ZNG1A: variants seen among roughly 807,000 people sequenced by gnomAD.
The protein encoded by ZNG1A is Zn regulated GTPase metalloprotein activator 1A.
chr9:135,543 C>A, the ZNG1A span, among the ~76,000 whole-genome samples: 1 of 78,600 alleles, frequency 1.3e-5, no homozygotes, highest in Non-Finnish European at 2.3e-5. Context: ...TAGTCAGTTA[C>A]CAATTGAGAG....
the ZNG1A span, chr9:146,385 TTA>T: frequency 5.1e-6 from 2 of 391,210 alleles, no homozygotes; most frequent in African/African-American, 4.5e-5. Flanking sequence ...ATCCTGAAAT[TTA>T]TGAGCTTTTC....
At chr9:176,679 G>C in the ZNG1A span, among the ~76,000 whole-genome samples, 1 of 152,058 alleles carries the variant, frequency 6.6e-6, no homozygotes, top group Non-Finnish European at 1.5e-5. Context: ...ATGGAAGAGA[G>C]AGACTTAGGG....
At chr9:175,206 T>C in the ZNG1A span, among the ~76,000 whole-genome samples, 1 of 152,120 alleles carries the variant, frequency 6.6e-6, no homozygotes. Context: ...GGCGAAACCC[T>C]GTCTCTACTA....
chr9:136,059 T>C, the ZNG1A span, among the ~76,000 whole-genome samples: 1 of 75,548 alleles, frequency 1.3e-5, no homozygotes, highest in African/African-American at 3.9e-5. Flanking sequence ...GTTCAGTATT[T>C]AATGTTGTTG....
the ZNG1A span, among the ~76,000 whole-genome samples, chr9:155,556 T>C: frequency 3.3e-5 from 5 of 152,292 alleles, no homozygotes; most frequent in East Asian, 5.8e-4. Context: ...AAGTAGATGA[T>C]AATAATCAGA....
At chr9:133,401 A>G in the ZNG1A span, among the ~76,000 whole-genome samples, 19,914 of 147,364 alleles carry the variant, frequency 0.14, 1,697 homozygotes, top group African/African-American at 0.24. Context: ...CAATAGGTAC[A>G]TACAGGCTCA....
At chr9:154,848 G>A in the ZNG1A span, 3 of 1,382,296 alleles carry the variant, frequency 2.2e-6, no homozygotes, top group South Asian at 2.4e-5. Flanking sequence ...ATACACGCAT[G>A]CAGATTAATA....
chr9:159,022 T>C, the ZNG1A span, among the ~76,000 whole-genome samples: 2 of 152,024 alleles, frequency 1.3e-5, no homozygotes, highest in South Asian at 4.1e-4. Flanking sequence ...CAGATGACTT[T>C]CATTTATAAA....
the ZNG1A span, among the ~76,000 whole-genome samples, chr9:129,800 G>A: frequency 2.0e-5 from 2 of 101,554 alleles, no homozygotes; most frequent in African/African-American, 5.6e-5. Flanking sequence ...TGTGGAAGAA[G>A]GTAGGTCTCA....
chr9:150,684 C>T, the ZNG1A span: 1 of 982,154 alleles, frequency 1.0e-6, no homozygotes, highest in Non-Finnish European at 1.2e-6. Context: ...GCTCACTCAT[C>T]CACTTGAAGT....
chr9:140,157 C>T, the ZNG1A span, among the ~76,000 whole-genome samples: 5 of 151,258 alleles, frequency 3.3e-5, no homozygotes, highest in African/African-American at 1.2e-4. Flanking sequence ...GGGTGGAGCC[C>T]ACCACAGCTC....
At chr9:141,738 C>G in the ZNG1A span, among the ~76,000 whole-genome samples, 9 of 151,588 alleles carry the variant, frequency 5.9e-5, no homozygotes, top group Non-Finnish European at 1.3e-4. Context: ...TTAAAAGACA[C>G]AGACTGGCAA....
At chr9:126,858 G>A in the ZNG1A span, among the ~76,000 whole-genome samples, 3 of 151,476 alleles carry the variant, frequency 2.0e-5, no homozygotes, top group African/African-American at 7.3e-5. Context: ...CGCCTCTGCT[G>A]TGTCCCAGAG....
At chr9:159,781 C>CA in the ZNG1A span, among the ~76,000 whole-genome samples, 41 of 151,952 alleles carry the variant, frequency 2.7e-4, no homozygotes, top group East Asian at 7.7e-3. Context: ...AATCTAGTGT[C>CA]AAAGATGTCT....
At chr9:145,765 G>A in the ZNG1A span, among the ~76,000 whole-genome samples, 2 of 151,644 alleles carry the variant, frequency 1.3e-5, no homozygotes, top group Admixed American at 6.6e-5. Flanking sequence ...AGTGAAGAGA[G>A]TTATTTGTGT....
the ZNG1A span, chr9:122,347 T>C: frequency 9.7e-6 from 13 of 1,338,762 alleles, no homozygotes; most frequent in Middle Eastern, 5.8e-4. Context: ...TTAATACATA[T>C]ATTAGGATGG....
the ZNG1A span, among the ~76,000 whole-genome samples, chr9:138,408 A>T: frequency 9.6e-6 from 1 of 104,566 alleles, no homozygotes; most frequent in African/African-American, 4.0e-5. Flanking sequence ...TTTTTTTTTT[A>T]CAAACTACAT....
chr9:146,882 C>T, the ZNG1A span: 1 of 151,800 alleles, frequency 6.6e-6, no homozygotes, highest in South Asian at 2.1e-4. Context: ...GCCCAGAAAA[C>T]CACAGAGGAC....
the ZNG1A span, chr9:161,554 T>G: frequency 7.8e-7 from 1 of 1,285,740 alleles, no homozygotes; most frequent in Non-Finnish European, 1.0e-6. Context: ...AATTTAAACT[T>G]CCAAGAACTT....
Sources: gnomAD v4.1 joint callset for allele counts (sites outside exome capture counted in the v4.1 genomes callset) on GRCh38, gnomAD v4.1.1 for gene constraint, MANE v1.5 for transcripts, NCBI Gene and HGNC (gene_info 2026-07-23, HGNC 2026-07-21) for gene names.